The following SBF2 variants were observed in gnomAD, a reference collection of about 807,000 sequenced individuals.
The protein encoded by SBF2 is SET binding factor 2.
SBF2 carries 112 observed loss-of-function variants against 225.2 expected under a neutral mutation model. That is an observed-to-expected ratio of 0.50 (90% CI 0.43 to 0.58). SBF2 has a LOEUF of 0.58. Ranked by LOEUF, SBF2 falls within the 20% of genes least tolerant of loss-of-function variation. The probability of loss-of-function intolerance (pLI) is 0.00; values close to 1 mark genes in which losing one functional copy is unlikely to be tolerated. For missense variants in SBF2, 1,996 were observed against 2,206.2 expected, an observed-to-expected ratio of 0.90 and a Z score of 1.91; for synonymous variants, 763 against 773.3, an observed-to-expected ratio of 0.99 and a Z score of 0.22.
intron 1 of SBF2, among the ~76,000 whole-genome samples, chr11:10,217,860 C>T (rs1201638742): frequency 1.3e-5 from 2 of 152,068 alleles, no homozygotes; most frequent in Non-Finnish European, 2.9e-5. Context: ...GCTGGGGAGG[C>T]CTCACAATCA....
chr11:10,202,507 C>T lies in SBF2; in HGVS notation c.56-8520G>A, dbSNP rs551108698. ...TATAATAAAATAGTCCAAAACTGGC[C>T]GAGCGAGGGGGCTCAGGCCTGTAAT... On this transcript the variant is annotated intron_variant, in intron 1 of 39. Transcript: ENST00000256190. Among the ~76,000 whole-genome samples the T allele has an allele frequency of 4.6e-5, 7 of 152,260 alleles. No homozygotes were observed. The South Asian group carries it at 1.2e-3, about 27-fold the overall frequency.
At position 10,148,529 on chromosome 11, in the gene SBF2, T is replaced by C. The variant is rs575270495; in HGVS notation, c.141+45373A>G. 5.3e-5 allele frequency among the ~76,000 whole-genome samples: 8 copies of C among 151,972 alleles called. No individual in the cohort carries two copies. The South Asian group carries it at 1.5e-3, about 28-fold the overall frequency. On this transcript the variant is annotated intron_variant, in intron 2 of 39. Coordinates refer to ENST00000256190, the MANE Select transcript of SBF2 (RefSeq NM_030962.4). ...TTTTTTTAATTCTTCCTCCCAGATA[T>C]AGAATGCACTCAAGCTCTCCACTAG...
At chr11:9,824,921 G>A (rs1392735141) in intron 28 of SBF2, among the ~76,000 whole-genome samples, 1 of 152,094 alleles carries the variant, frequency 6.6e-6, no homozygotes, top group Non-Finnish European at 1.5e-5. Context: ...GAAATACTAG[G>A]AACCTTAGGA....
At chr11:10,249,142 A>C (rs1365022146) in intron 1 of SBF2, among the ~76,000 whole-genome samples, 1 of 152,184 alleles carries the variant, frequency 6.6e-6, no homozygotes, top group Non-Finnish European at 1.5e-5. Flanking sequence ...AATATTGACT[A>C]AATTTAAAGG....
intron 2 of SBF2, among the ~76,000 whole-genome samples, chr11:10,107,524 T>C (rs189895501): frequency 9.8e-5 from 15 of 152,322 alleles, no homozygotes; most frequent in Admixed American, 4.6e-4. Flanking sequence ...TTAAACAACA[T>C]AGATTTATTC....
chr11:10,145,992 A>C (rs1456918506), intron 2 of SBF2, among the ~76,000 whole-genome samples: 1 of 152,210 alleles, frequency 6.6e-6, no homozygotes, highest in Non-Finnish European at 1.5e-5. Flanking sequence ...AAAAAGAAAG[A>C]GATACCTAGG....
intron 1 of SBF2, among the ~76,000 whole-genome samples, chr11:10,199,986 T>C (rs1957515802): frequency 6.6e-6 from 1 of 152,214 alleles, no homozygotes; most frequent in Non-Finnish European, 1.5e-5. Context: ...AAGCAGGATG[T>C]TGGTCAGGCA....
intron 28 of SBF2, among the ~76,000 whole-genome samples, chr11:9,817,445 C>T (rs1329940081): frequency 6.6e-6 from 1 of 152,036 alleles, no homozygotes; most frequent in African/African-American, 2.4e-5. Context: ...CATTCTTCTG[C>T]TTATTTGGTC....
chr11:9,871,905 G>C (rs1444825160), intron 17 of SBF2, among the ~76,000 whole-genome samples: 2 of 152,188 alleles, frequency 1.3e-5, no homozygotes, highest in African/African-American at 2.4e-5. Flanking sequence ...GTGGAAGACA[G>C]TGTGGTGATT....
intron 2 of SBF2, among the ~76,000 whole-genome samples, chr11:10,053,010 T>A (rs1283554278): frequency 6.6e-6 from 1 of 152,160 alleles, no homozygotes; most frequent in Admixed American, 6.6e-5. Context: ...GGTATGCATG[T>A]ATGTATGTAT....
At chr11:9,834,654 C>T (rs1305007991) in intron 26 of SBF2, among the ~76,000 whole-genome samples, 3 of 152,086 alleles carry the variant, frequency 2.0e-5, no homozygotes, top group East Asian at 1.9e-4. Context: ...TTTTGTAATA[C>T]CACAAACTGA....
rs368821980 is a variant in SBF2 at position 9,788,751 on chromosome 11, C to T, written c.4932+358G>A. The stretch of plus-strand genomic sequence containing the variant: ...CTGGGACTACAGGCGCCCGCCACCA[C>T]GCCCGGCTAATTTTTTTTTTTTTTT... On this transcript the variant is annotated intron_variant, in intron 35 of 39. Coordinates refer to ENST00000256190, the MANE Select transcript of SBF2 (RefSeq NM_030962.4). Among the ~76,000 whole-genome samples the T allele has an allele frequency of 9.8e-3, 1,436 of 146,000 alleles. 20 individuals are homozygous for T. The highest frequency in any genetic ancestry group is 0.029 in the African/African-American group (1,127 of 38,462).
intron 1 of SBF2, among the ~76,000 whole-genome samples, chr11:10,288,720 T>A (rs1048886807): frequency 2.0e-5 from 3 of 152,116 alleles, no homozygotes; most frequent in African/African-American, 7.2e-5. Flanking sequence ...TCTCTGCATC[T>A]ATCAGCAGAG....
At chr11:10,121,725 CCA>C (rs1184137451) in intron 2 of SBF2, among the ~76,000 whole-genome samples, 2 of 152,244 alleles carry the variant, frequency 1.3e-5, no homozygotes, top group East Asian at 1.9e-4. Flanking sequence ...CCTCTTTTAC[CCA>C]CAGTTTCATT....
At chr11:10,194,105 C>T (rs1957280014) in intron 1 of SBF2, 118 bp from the exon 2 acceptor site, 1 of 785,388 alleles carries the variant, frequency 1.3e-6, no homozygotes, top group African/African-American at 1.7e-5. Context: ...ACTGATTAAA[C>T]ATTTTCAAGT....
intron 17 of SBF2, among the ~76,000 whole-genome samples, chr11:9,873,543 C>T (rs10840314): frequency 0.64 from 96,842 of 151,992 alleles, 31,395 homozygotes; most frequent in African/African-American, 0.75. Flanking sequence ...CATGGTACAA[C>T]AGCAGGAAAC....
chr11:10,297,061 T>A (rs1264594865), upstream of SBF2, among the ~76,000 whole-genome samples: 2 of 152,204 alleles, frequency 1.3e-5, no homozygotes, highest in African/African-American at 2.4e-5. Context: ...CTTTGTCTTT[T>A]TGAGGTTGAG....
chr11:10,037,752 T>A (rs1490175513), intron 3 of SBF2, among the ~76,000 whole-genome samples: 1 of 148,958 alleles, frequency 6.7e-6, no homozygotes, highest in African/African-American at 2.5e-5. Flanking sequence ...TAGTTTACTA[T>A]GATAAAGAGC....
intron 16 of SBF2, among the ~76,000 whole-genome samples, chr11:9,900,325 T>G (rs1405223245): frequency 6.6e-6 from 1 of 152,170 alleles, no homozygotes; most frequent in East Asian, 1.9e-4. Flanking sequence ...TAAAGCAACC[T>G]TTTTCGATTA....
Sources: allele counts gnomAD v4.1 joint callset (sites outside exome capture counted in the v4.1 genomes callset), GRCh38; gene constraint gnomAD v4.1.1; transcripts MANE v1.5; gene names NCBI Gene and HGNC (gene_info 2026-07-23, HGNC 2026-07-21).